Variants in MTR observed in about 807,000 individuals in gnomAD.
The protein encoded by MTR is 5-methyltetrahydrofolate-homocysteine methyltransferase.
In MTR, 84 loss-of-function variants were observed where a neutral mutation model predicts 154.8. The ratio of observed to expected loss-of-function variants is 0.54; its 90% confidence interval spans 0.45 to 0.65. The LOEUF (loss-of-function observed/expected upper bound fraction) is 0.65, where lower values mean the gene tolerates loss of function less well. Among genes scored for constraint, MTR ranks in the 30% least tolerant of loss-of-function variants. The pLI is 0.00. For missense variants in MTR, 1,275 were observed against 1,570.2 expected (o/e 0.81, Z 3.18); for synonymous variants, 554 against 553.9 (o/e 1.00, Z 0.00).
intron 6 of MTR, among the ~76,000 whole-genome samples, chr1:236,813,128 T>C (rs1438584027): frequency 6.6e-6 from 1 of 152,194 alleles, no homozygotes; most frequent in Non-Finnish European, 1.5e-5. Flanking sequence ...CTGCTGGTTC[T>C]AAATTTGAAA....
Position 236,897,832 on chromosome 1 carries a change from A to C in MTR, c.*188A>C. On this transcript the variant is annotated 3_prime_UTR_variant, in exon 33 of 33. Coordinates refer to ENST00000366577, the MANE Select transcript of MTR (RefSeq NM_000254.3). ...GGTCTTCCTGCAGTGCCTGGAAAAC[A>C]GGCGCTGTTTTTTTGGGACCTTGCG... 1.6e-6 allele frequency: 1 copy of C among 617,330 alleles called. No individual in the cohort carries two copies. The highest frequency in any genetic ancestry group is 2.8e-6 in the Non-Finnish European group (1 of 353,932). The allele number at this position is 617,330 out of a possible 1,614,324, so 38.2% of individuals were successfully genotyped here.
rs1661946829 is a variant in MTR, at chr1:236,821,493, A to G, written c.765-2626A>G. 2.0e-5 allele frequency among the ~76,000 whole-genome samples: 3 copies of G among 152,090 alleles called. No homozygotes were observed. In the South Asian group the frequency reaches 6.2e-4, roughly 32 times the overall value. Reference sequence around the variant, plus strand: ...TTATCAGATAATGTGTTTTGCAAATATTTTCTCCCAGCCTGTGGTTTGTCT... The same window carrying G: ...TTATCAGATAATGTGTTTTGCAAATGTTTTCTCCCAGCCTGTGGTTTGTCT... On this transcript the variant is annotated intron_variant, in intron 8 of 32. Coordinates refer to ENST00000366577, the MANE Select transcript of MTR (RefSeq NM_000254.3).
intron 8 of MTR, among the ~76,000 whole-genome samples, chr1:236,822,398 C>T (rs1349609449): frequency 6.7e-6 from 1 of 150,102 alleles, no homozygotes; most frequent in Admixed American, 6.7e-5. Context: ...CAGCCTCAAC[C>T]TCCCAGGCTT....
At chr1:236,807,082 A>G (rs774726822) in intron 3 of MTR, among the ~76,000 whole-genome samples, 1 of 152,248 alleles carries the variant, frequency 6.6e-6, no homozygotes, top group East Asian at 1.9e-4. Context: ...CCCACATTCA[A>G]TTTTTTGTAT....
At chr1:236,889,421 G>A in intron 28 of MTR, 85 bp downstream of exon 28, 1 of 1,572,120 alleles carries the variant, frequency 6.4e-7, no homozygotes, top group Non-Finnish European at 8.7e-7. Context: ...GTGAGGAGCA[G>A]TGGATTTGGA....
chr1:236,850,385 C>A lies in MTR; in HGVS notation c.1557C>A (p.Ala519=). 6.2e-7 allele frequency: 1 copy of A among 1,613,748 alleles called. No individual in the cohort carries two copies. Among genetic ancestry groups the A allele is most frequent in the South Asian group, 1.1e-5 (1 of 91,066 alleles). Residue 519 remains alanine (A), a synonymous_variant, in exon 16 of 33, where the codon GCC becomes GCA. Transcript: ENST00000366577. ...TDTKIRVCTR[A]YHLLVKKLGF... is the part of the protein sequence containing the mutation. ...CAAAAATCAGAGTGTGCACCCGGGC[C>A]TACCATCTGCTTGTGAAAAAACTGG...
chr1:236,840,425 A>C (rs1230068656), intron 15 of MTR, among the ~76,000 whole-genome samples: 4 of 152,160 alleles, frequency 2.6e-5, no homozygotes, highest in Non-Finnish European at 5.9e-5. Context: ...CAGGCCTAGG[A>C]GATCTGGTTT....
In MTR at chr1:236,897,645, C is replaced by CTTT; in HGVS notation, c.*14_*16dup. ...CATTTTGGGATATGATACAGACTAA[C>CTTT]TTTTTTTTTTTTTTTGCCTTTTTTA... On this transcript the variant is annotated 3_prime_UTR_variant, in exon 33 of 33. Transcript: ENST00000366577. 18 of 1,505,436 alleles carry CTTT rather than the reference C, an allele frequency of 1.2e-5. No individual in the cohort carries two copies. Among genetic ancestry groups the CTTT allele is most frequent in the Non-Finnish European group, 1.5e-5 (16 of 1,095,210 alleles). The allele number at this position is 1,505,436 out of a possible 1,614,324, so 93.3% of individuals were successfully genotyped here.
intron 18 of MTR, among the ~76,000 whole-genome samples, chr1:236,853,460 T>C (rs1664034486): frequency 6.6e-6 from 1 of 152,238 alleles, no homozygotes; most frequent in South Asian, 2.1e-4. Flanking sequence ...GAGATTTTGT[T>C]ATAACCTTTA....
rs115174784 is a variant in MTR at position 236,839,585 on chromosome 1, A to G, written c.1515+986A>G. Among the ~76,000 whole-genome samples, 979 of 152,296 alleles carry G rather than the reference A, an allele frequency of 6.4e-3. 15 individuals are homozygous for G. The highest frequency in any genetic ancestry group is 0.022 in the African/African-American group (925 of 41,578). ...CACATGGGAAGCTTCAAATATAATG[A>G]TCGTTCATCTCTGTGATACACTGAT... On this transcript the variant is annotated intron_variant, in intron 15 of 32. Coordinates refer to ENST00000366577, the MANE Select transcript of MTR (RefSeq NM_000254.3).
At chr1:236,817,306 C>T (rs899528308) in intron 8 of MTR, among the ~76,000 whole-genome samples, 2 of 152,064 alleles carry the variant, frequency 1.3e-5, no homozygotes, top group African/African-American at 4.8e-5. Flanking sequence ...CCCCTTTCCC[C>T]CCTTTCCCTC....
At chr1:236,881,471 TTGTC>T (rs886467257) in intron 25 of MTR, among the ~76,000 whole-genome samples, 3 of 152,088 alleles carry the variant, frequency 2.0e-5, no homozygotes, top group Middle Eastern at 3.2e-3. Flanking sequence ...CACAGAATCT[TTGTC>T]TGTTAAGTGA....
At chr1:236,894,329 G>A (rs756204956) in intron 29 of MTR, 28 bp from the exon 30 acceptor site, 22 of 1,611,952 alleles carry the variant, frequency 1.4e-5, no homozygotes, top group Admixed American at 5.0e-5. Context: ...CGGCGCCCCC[G>A]CACACTCCTA....
Position 236,897,645 on chromosome 1 carries a change from CTTT to C in MTR, c.*14_*16del, listed in dbSNP as rs67705775. 570 of 1,500,930 alleles carry C rather than the reference CTTT, an allele frequency of 3.8e-4. No homozygotes were observed. The highest frequency in any genetic ancestry group is 4.7e-4 in the South Asian group (41 of 86,940). 93.0% of individuals were successfully genotyped at this position (1,500,930 alleles called of 1,614,324 possible). ...CATTTTGGGATATGATACAGACTAA[CTTT>C]TTTTTTTTTTTTGCCTTTTTTATTC... is the stretch of plus-strand genomic sequence containing the variant. On this transcript the variant is annotated 3_prime_UTR_variant, in exon 33 of 33. Transcript: ENST00000366577.
intron 10 of MTR, 65 bp from the exon 11 acceptor site, chr1:236,826,763 GA>G: frequency 2.3e-6 from 3 of 1,303,090 alleles, no homozygotes; most frequent in Non-Finnish European, 3.3e-6. Flanking sequence ...CTTTTATGTT[GA>G]ATTGGTGGTA....
intron 25 of MTR, among the ~76,000 whole-genome samples, chr1:236,881,243 C>G (rs1269949049): frequency 6.6e-6 from 1 of 152,172 alleles, no homozygotes; most frequent in Non-Finnish European, 1.5e-5. Flanking sequence ...TACCCAAAGA[C>G]AGAAAAACAT....
chr1:236,897,958 T>C lies in MTR; in HGVS notation c.*314T>C, dbSNP rs1321445851. The C allele has an allele frequency of 9.6e-6, 3 of 311,158 alleles. No homozygotes were observed. Among genetic ancestry groups the C allele is most frequent in the Non-Finnish European group, 1.8e-5 (3 of 168,544 alleles). The allele number at this position is 311,158 out of a possible 1,614,324, so 19.3% of individuals were successfully genotyped here. ...TTGATTTCAAAGCAAGTCAACCTGC[T>C]TTTTTCTGTTTTTACAGTGGAATCT... On this transcript the variant is annotated 3_prime_UTR_variant, in exon 33 of 33. Transcript: ENST00000366577.
At chr1:236,859,634 C>T (rs200706153) in intron 18 of MTR, among the ~76,000 whole-genome samples, 199 bp from the exon 19 acceptor site, 1 of 152,110 alleles carries the variant, frequency 6.6e-6, no homozygotes, top group East Asian at 1.9e-4. Context: ...CAGTTCAAAC[C>T]CTAAAAGATT....
intron 27 of MTR, among the ~76,000 whole-genome samples, chr1:236,886,748 G>C (rs1461567943): frequency 2.0e-5 from 3 of 152,204 alleles, no homozygotes; most frequent in African/African-American, 7.2e-5. Flanking sequence ...GTGCTTGCGT[G>C]GGTCCCCGTC....
Sources: allele counts gnomAD v4.1 joint callset (sites outside exome capture counted in the v4.1 genomes callset), GRCh38; gene constraint gnomAD v4.1.1; transcripts MANE v1.5; gene names NCBI Gene and HGNC (gene_info 2026-07-23, HGNC 2026-07-21).